Variants in TENM3 observed in about 807,000 individuals in gnomAD.
TENM3 encodes teneurin transmembrane protein 3, also known as teneurin-3.
In TENM3, 63 loss-of-function variants were observed where a neutral mutation model predicts 255.1. That is an observed-to-expected ratio of 0.25 (90% CI 0.20 to 0.30). TENM3 has a LOEUF of 0.30. Among genes scored for constraint, TENM3 ranks in the 10% least tolerant of loss-of-function variants. TENM3 has a pLI of 1.00. For missense variants in TENM3, 2,929 were observed against 3,461.1 expected (o/e 0.85, Z 3.86); for synonymous variants, 1,306 against 1,322.3 (o/e 0.99, Z 0.27).
intron 5 of TENM3, among the ~76,000 whole-genome samples, chr4:182,633,776 A>T (rs1003830117): frequency 6.6e-6 from 1 of 152,254 alleles, no homozygotes; most frequent in African/African-American, 2.4e-5. Context: ...AAGGACTCTT[A>T]CACTATACTG....
chr4:182,008,377 T>C, the TENM3 span, among the ~76,000 whole-genome samples: 1 of 152,118 alleles, frequency 6.6e-6, no homozygotes. Context: ...CTCCAATCAA[T>C]CGTAGGTTCG....
At chr4:182,108,830 T>G in the TENM3 span, among the ~76,000 whole-genome samples, 3 of 152,216 alleles carry the variant, frequency 2.0e-5, no homozygotes, top group Non-Finnish European at 4.4e-5. Context: ...TAAATCATTT[T>G]GTTAACTAAG....
In TENM3 at chr4:182,680,590, C is replaced by G. The variant is rs1189585069; in HGVS notation, c.1687C>G (p.Arg563Gly). The G allele has an allele frequency of 6.2e-7, 1 of 1,613,760 alleles. No individual in the cohort carries two copies. Among genetic ancestry groups the G allele is most frequent in the East Asian group, 2.2e-5 (1 of 44,868 alleles). ...CSGNGQYSKG[R>G]CLCFSGWKGT... Reference sequence around the variant, plus strand: ...TGGCAACGGGCAGTACTCCAAGGGCCGCTGCCTGTGTTTCAGCGGCTGGAA... The same window carrying G: ...TGGCAACGGGCAGTACTCCAAGGGCGGCTGCCTGTGTTTCAGCGGCTGGAA... The change falls in exon 10 of 28, where the codon CGC (arginine) becomes GGC (glycine). Residue 563 changes from arginine to glycine, a missense_variant. By Grantham distance (125) the Arg-to-Gly change is moderately radical (BLOSUM62 -2). Transcript: ENST00000511685.
intron 4 of TENM3, among the ~76,000 whole-genome samples, chr4:182,623,674 T>G (rs980819465): frequency 6.6e-6 from 1 of 152,066 alleles, no homozygotes; most frequent in Non-Finnish European, 1.5e-5. Context: ...CTTCAGGCAG[T>G]TTGGGTCCCT....
chr4:182,732,506 C>G (rs1310181174), intron 16 of TENM3, among the ~76,000 whole-genome samples: 1 of 152,168 alleles, frequency 6.6e-6, no homozygotes, highest in African/African-American at 2.4e-5. Flanking sequence ...ACTTTCAGAT[C>G]TTAAAAGTAG....
At chr4:181,637,682 A>G in the TENM3 span, among the ~76,000 whole-genome samples, 109 of 152,280 alleles carry the variant, frequency 7.2e-4, no homozygotes, top group Non-Finnish European at 1.3e-3. Flanking sequence ...TAGAATCTCA[A>G]CATACAAATG....
intron 4 of TENM3, among the ~76,000 whole-genome samples, chr4:182,610,201 C>G (rs1748853159): frequency 6.6e-6 from 1 of 152,152 alleles, no homozygotes; most frequent in Non-Finnish European, 1.5e-5. Context: ...AAGAAATTCT[C>G]TGAGATAGTG....
At chr4:181,794,484 C>T in the TENM3 span, among the ~76,000 whole-genome samples, 1 of 152,172 alleles carries the variant, frequency 6.6e-6, no homozygotes, top group Non-Finnish European at 1.5e-5. Context: ...CCCTTCTACT[C>T]TCTATTCTAT....
the TENM3 span, among the ~76,000 whole-genome samples, chr4:181,977,854 A>T: frequency 6.6e-6 from 1 of 152,186 alleles, no homozygotes; most frequent in African/African-American, 2.4e-5. Context: ...TGAAAGAAGT[A>T]ATCAGAGAGA....
the TENM3 span, among the ~76,000 whole-genome samples, chr4:181,631,835 C>T: frequency 2.6e-5 from 4 of 152,272 alleles, no homozygotes; most frequent in Admixed American, 2.6e-4. Context: ...GGTTGCCTAC[C>T]ACAAGTGCAT....
chr4:182,753,396 A>C, intron 20 of TENM3, 54 bp from the exon 21 acceptor site: 1 of 1,503,408 alleles, frequency 6.7e-7, no homozygotes, highest in South Asian at 1.2e-5. Context: ...CTAATAGTTA[A>C]TCAAAAGTAA....
At chr4:182,375,925 T>C (rs912211211) in intron 3 of TENM3, among the ~76,000 whole-genome samples, 1 of 152,158 alleles carries the variant, frequency 6.6e-6, no homozygotes, top group Admixed American at 6.5e-5. Flanking sequence ...GACATAGTGT[T>C]TTAATTAGAA....
intron 2 of TENM3, among the ~76,000 whole-genome samples, chr4:182,328,077 T>C (rs543950029): frequency 2.0e-4 from 31 of 152,200 alleles, no homozygotes; most frequent in South Asian, 6.2e-4. Context: ...AAGAACCACT[T>C]TGGGGCCCTA....
At chr4:181,726,154 TAAA>T in the TENM3 span, among the ~76,000 whole-genome samples, 1 of 152,146 alleles carries the variant, frequency 6.6e-6, no homozygotes, top group Non-Finnish European at 1.5e-5. Flanking sequence ...AAATTTTATT[TAAA>T]AATTACAGAA....
At chr4:182,087,756 A>G in the TENM3 span, among the ~76,000 whole-genome samples, 92 of 152,266 alleles carry the variant, frequency 6.0e-4, no homozygotes, top group Non-Finnish European at 1.1e-3. Flanking sequence ...AGGACGTTTG[A>G]CCTATTCAAT....
upstream of TENM3, among the ~76,000 whole-genome samples, chr4:182,241,045 A>G (rs1334693007): frequency 1.3e-5 from 2 of 152,078 alleles, no homozygotes; most frequent in East Asian, 3.9e-4. Flanking sequence ...GGCTTTTGTC[A>G]TCGGGCTTGA....
chr4:182,369,059 G>A (rs1281040971), intron 3 of TENM3, among the ~76,000 whole-genome samples: 1 of 152,132 alleles, frequency 6.6e-6, no homozygotes, highest in Non-Finnish European at 1.5e-5. Context: ...CTATCCAGAA[G>A]CATTTTGAAA....
chr4:181,687,837 T>C, the TENM3 span, among the ~76,000 whole-genome samples: 7 of 152,294 alleles, frequency 4.6e-5, no homozygotes, highest in South Asian at 1.5e-3. Context: ...CTCCAAGACC[T>C]CTACAAGTGC....
rs1335369456 is a variant in TENM3 at position 182,738,439 on chromosome 4, ACT to A, written c.3277_3278del (p.Leu1093ValfsTer12). On this transcript the variant is annotated frameshift_variant, in exon 18 of 28. Transcript: ENST00000511685. LOFTEE classifies it high-confidence loss of function. ...GYEYESCLDL[T>X]LWEKRTAILQ... ...TGAGTATGAGTCGTGTTTGGACCTGACTCTGTGGGAAAAGAGGACTGCCATTC... is the reference window on the plus strand; with the variant it reads ...TGAGTATGAGTCGTGTTTGGACCTGACTGTGGGAAAAGAGGACTGCCATTC... The A allele has an allele frequency of 1.9e-6, 3 of 1,613,060 alleles. No homozygotes were observed. The highest frequency in any genetic ancestry group is 1.7e-6 in the Non-Finnish European group (2 of 1,179,500).
Sources: gnomAD v4.1 joint callset for allele counts (sites outside exome capture counted in the v4.1 genomes callset) on GRCh38, gnomAD v4.1.1 for gene constraint, MANE v1.5 for transcripts, NCBI Gene and HGNC (gene_info 2026-07-23, HGNC 2026-07-21) for gene names.